The following PACRG variants were observed in gnomAD, a reference collection of about 807,000 sequenced individuals.
PACRG encodes the protein parkin coregulated gene protein.
In PACRG, 29 loss-of-function variants were observed where a neutral mutation model predicts 29.7. That is an observed-to-expected ratio of 0.98 (90% CI 0.73 to 1.33). The LOEUF is 1.33. Among genes scored for constraint, PACRG ranks in the 40% most tolerant of loss-of-function variants. The probability of loss-of-function intolerance (pLI) is 0.00; values close to 1 mark genes in which losing one functional copy is unlikely to be tolerated. For missense variants in PACRG, 279 were observed against 316.2 expected (o/e 0.88, Z 0.89); for synonymous variants, 116 against 118.7 (o/e 0.98, Z 0.15).
intron 2 of PACRG, chr6:162,957,533 G>C (rs1301313736): frequency 3.0e-6 from 1 of 328,988 alleles, no homozygotes; most frequent in Admixed American, 3.4e-5. Context: ...AGTTTTGCTA[G>C]AGCTGTATTG....
At chr6:163,239,787 C>G (rs1309438437) in intron 4 of PACRG, among the ~76,000 whole-genome samples, 18 of 149,320 alleles carry the variant, frequency 1.2e-4, no homozygotes, top group Admixed American at 1.2e-3. Context: ...CACACACACA[C>G]ACACTCACAC....
chr6:163,194,267 G>A (rs1327275482), intron 4 of PACRG, among the ~76,000 whole-genome samples: 2 of 152,162 alleles, frequency 1.3e-5, no homozygotes, highest in Admixed American at 6.5e-5. Flanking sequence ...TCCATAGTCA[G>A]TGTTCCTGGG....
chr6:162,944,857 A>G (rs2128123404), intron 2 of PACRG, among the ~76,000 whole-genome samples: 1 of 152,208 alleles, frequency 6.6e-6, no homozygotes, highest in South Asian at 2.1e-4. Context: ...AATATTTGAA[A>G]TTTTGGTGTA....
At chr6:162,894,553 G>A (rs1213609478) in intron 2 of PACRG, among the ~76,000 whole-genome samples, 1 of 152,200 alleles carries the variant, frequency 6.6e-6, no homozygotes, top group Non-Finnish European at 1.5e-5. Flanking sequence ...TTGGGTGCAC[G>A]CCGAGCCTGC....
At chr6:162,920,655 T>A (rs112702549) in intron 2 of PACRG, among the ~76,000 whole-genome samples, 2 of 152,340 alleles carry the variant, frequency 1.3e-5, no homozygotes, top group African/African-American at 4.8e-5. Context: ...CACTTCACTG[T>A]ATAAAAATTG....
At chr6:162,864,320 A>G (rs1229783610) in intron 2 of PACRG, among the ~76,000 whole-genome samples, 4 of 152,220 alleles carry the variant, frequency 2.6e-5, no homozygotes, top group Non-Finnish European at 2.9e-5. Flanking sequence ...ATTTTATTAT[A>G]GCCACAGAGT....
chr6:162,899,948 C>T (rs1254063918), intron 2 of PACRG, among the ~76,000 whole-genome samples: 4 of 152,062 alleles, frequency 2.6e-5, no homozygotes, highest in South Asian at 2.1e-4. Context: ...GGTCTGCACC[C>T]GTCACCGTCA....
intron 4 of PACRG, among the ~76,000 whole-genome samples, chr6:163,262,037 G>A (rs974307243): frequency 6.6e-6 from 1 of 152,130 alleles, no homozygotes; most frequent in African/African-American, 2.4e-5. Context: ...CCAAGATGTG[G>A]GGAAAAGGTG....
chr6:163,149,317 C>A (rs1777972568), intron 4 of PACRG, among the ~76,000 whole-genome samples: 1 of 152,150 alleles, frequency 6.6e-6, no homozygotes, highest in African/African-American at 2.4e-5. Context: ...CTCCAGCCGG[C>A]TCCCCCTTCC....
intron 2 of PACRG, among the ~76,000 whole-genome samples, chr6:162,947,624 A>ATATATATG (rs1799313787): frequency 2.9e-5 from 1 of 34,264 alleles, no homozygotes; most frequent in African/African-American, 9.5e-5. Context: ...ATATATATAT[A>ATATATATG]TATATATATA....
At chr6:163,020,355 A>C (rs1806495988) in intron 2 of PACRG, among the ~76,000 whole-genome samples, 1 of 152,220 alleles carries the variant, frequency 6.6e-6, no homozygotes, top group Non-Finnish European at 1.5e-5. Context: ...ATTAAAAAAC[A>C]AGCAAACTTA....
intron 1 of PACRG, among the ~76,000 whole-genome samples, chr6:162,781,374 T>C (rs897887748): frequency 2.0e-4 from 31 of 151,928 alleles, no homozygotes; most frequent in Non-Finnish European, 5.9e-5. Context: ...AAAGAAATGT[T>C]AAAAGAAGTC....
At chr6:162,781,880 C>CA (rs35641289) in intron 1 of PACRG, among the ~76,000 whole-genome samples, 7 of 150,068 alleles carry the variant, frequency 4.7e-5, no homozygotes, top group Admixed American at 2.6e-4. Flanking sequence ...GAAACAAAAA[C>CA]AAAAAAAAGC....
chr6:163,214,368 T>C (rs77289677), intron 4 of PACRG, among the ~76,000 whole-genome samples: 2,026 of 152,272 alleles, frequency 0.013, 12 homozygotes, highest in East Asian at 0.038. Context: ...CACACGTTTA[T>C]TTTTCCTTCT....
chr6:162,906,846 C>A (rs568091512), intron 2 of PACRG, among the ~76,000 whole-genome samples: 2 of 152,198 alleles, frequency 1.3e-5, no homozygotes, highest in Admixed American at 1.3e-4. Context: ...TGATCGTATA[C>A]CTTGTATATC....
At chr6:163,089,002 G>A (rs778281584) in intron 3 of PACRG, among the ~76,000 whole-genome samples, 3 of 152,108 alleles carry the variant, frequency 2.0e-5, no homozygotes, top group Admixed American at 6.6e-5. Context: ...CCTCTTCTAC[G>A]AGGGGAAAAT....
intron 2 of PACRG, among the ~76,000 whole-genome samples, chr6:162,877,523 A>G (rs546224902): frequency 3.0e-3 from 453 of 152,172 alleles, no homozygotes; most frequent in Non-Finnish European, 5.2e-3. Flanking sequence ...ACCATGACAC[A>G]TGTATACCTA....
At chr6:163,021,237 C>T (rs936777124) in intron 2 of PACRG, among the ~76,000 whole-genome samples, 14 of 152,112 alleles carry the variant, frequency 9.2e-5, no homozygotes, top group African/African-American at 1.4e-4. Context: ...ATCATAACCT[C>T]GCAGCTCCCA....
At chr6:163,066,590 A>G (rs998745880) in intron 3 of PACRG, among the ~76,000 whole-genome samples, 1 of 152,252 alleles carries the variant, frequency 6.6e-6, no homozygotes, top group Non-Finnish European at 1.5e-5. Context: ...CTACACCCTC[A>G]AAGTCAATGC....
Sources: allele counts gnomAD v4.1 joint callset (sites outside exome capture counted in the v4.1 genomes callset), GRCh38; gene constraint gnomAD v4.1.1; transcripts MANE v1.5; gene names NCBI Gene and HGNC (gene_info 2026-07-23, HGNC 2026-07-21).